Variants in EPHA6 observed in about 807,000 individuals in gnomAD.
EPHA6 encodes ephrin type-A receptor 6.
EPHA6 carries 50 observed loss-of-function variants against 112.0 expected under a neutral mutation model. The ratio of observed to expected loss-of-function variants is 0.45; its 90% confidence interval spans 0.36 to 0.56. EPHA6 has a LOEUF of 0.56. EPHA6 is among the 20% of genes least tolerant of loss of function. The pLI, the probability that EPHA6 is intolerant of heterozygous loss-of-function variation, is 0.00. For missense variants in EPHA6, 1,280 were observed against 1,417.4 expected (o/e 0.90, Z 1.56); for synonymous variants, 529 against 490.7 (o/e 1.08, Z -1.03).
intron 5 of EPHA6, among the ~76,000 whole-genome samples, chr3:97,360,668 G>C (rs1224926118): frequency 6.6e-6 from 1 of 152,002 alleles, no homozygotes; most frequent in African/African-American, 2.4e-5. Context: ...ATTTTCTTCT[G>C]CATTATTTAA....
intron 11 of EPHA6, chr3:97,569,851 T>A (rs2093313638): frequency 6.6e-6 from 1 of 152,216 alleles, no homozygotes; most frequent in African/African-American, 2.4e-5. Context: ...AAGTGCTTTT[T>A]TTCCTGGTTC....
At chr3:97,085,949 A>ATATATATATAT in intron 3 of EPHA6, among the ~76,000 whole-genome samples, 1 of 143,308 alleles carries the variant, frequency 7.0e-6, no homozygotes, top group Admixed American at 7.0e-5. Context: ...ATATATATAT[A>ATATATATATAT]CACACTGAGA....
chr3:97,707,012 A>G (rs1337876810), intron 14 of EPHA6, among the ~76,000 whole-genome samples: 2 of 152,226 alleles, frequency 1.3e-5, no homozygotes, highest in African/African-American at 4.8e-5. Flanking sequence ...GAATGCCACC[A>G]GTGACCTTCA....
chr3:97,655,394 G>T (rs796618451), intron 14 of EPHA6, among the ~76,000 whole-genome samples: 5 of 151,798 alleles, frequency 3.3e-5, no homozygotes, highest in African/African-American at 1.2e-4. Flanking sequence ...TGAGACTCTT[G>T]CAGAAGACAA....
At position 96,814,750 on chromosome 3, in the gene EPHA6, A is replaced by AT. The variant is rs2032614522; in HGVS notation, c.127_128insT (p.Arg43MetfsTer50). ...GTGCCCTGTTCCCGGGACCTCGCGCAGGGGGCGCCCCGGGACACCCCCTGC... is the reference window on the plus strand; with the variant it reads ...GTGCCCTGTTCCCGGGACCTCGCGCATGGGGGCGCCCCGGGACACCCCCTGC... On this transcript the variant is annotated frameshift_variant, in exon 1 of 18. Transcript: ENST00000389672. LOFTEE classifies it high-confidence loss of function. 4 of 1,593,918 alleles carry AT rather than the reference A, an allele frequency of 2.5e-6. No homozygotes were observed. The South Asian group carries it at 4.5e-5, about 18-fold the overall frequency.
At chr3:97,044,907 CTTTG>C (rs1198489900) in intron 3 of EPHA6, among the ~76,000 whole-genome samples, 1 of 151,872 alleles carries the variant, frequency 6.6e-6, no homozygotes, top group Non-Finnish European at 1.5e-5. Flanking sequence ...ATACAAAGAA[CTTTG>C]TTTAACTCAA....
chr3:97,364,097 A>G (rs2084570103), intron 5 of EPHA6, among the ~76,000 whole-genome samples: 1 of 152,114 alleles, frequency 6.6e-6, no homozygotes, highest in South Asian at 2.1e-4. Context: ...ATGGCTACAT[A>G]GTAGTATAAA....
At chr3:97,251,475 A>G (rs1430730139) in intron 5 of EPHA6, among the ~76,000 whole-genome samples, 1 of 152,030 alleles carries the variant, frequency 6.6e-6, no homozygotes, top group Non-Finnish European at 1.5e-5. Flanking sequence ...GCTTGCAGTG[A>G]GCTGAGATCG....
chr3:97,757,041 G>A lies in EPHA6; in HGVS notation c.*8340G>A, dbSNP rs1576409760. Among the ~76,000 whole-genome samples, 1 of 151,804 alleles carries A rather than the reference G, an allele frequency of 6.6e-6. No homozygotes were observed. Among genetic ancestry groups the A allele is most frequent in the African/African-American group, 2.4e-5 (1 of 41,472 alleles). The stretch of plus-strand genomic sequence containing the variant: ...TTAAAATGTTAATTATGGTATACGT[G>A]CTATAGTAACCTCATTTTTTAAAAA... On this transcript the variant is annotated 3_prime_UTR_variant, in exon 18 of 18. Coordinates refer to ENST00000389672, the MANE Select transcript of EPHA6 (RefSeq NM_001080448.3).
chr3:97,576,474 G>A (rs2093386466), intron 11 of EPHA6, among the ~76,000 whole-genome samples: 1 of 152,140 alleles, frequency 6.6e-6, no homozygotes, highest in Non-Finnish European at 1.5e-5. Flanking sequence ...TGTCAGGAAG[G>A]TCTAAGTGCA....
intron 3 of EPHA6, among the ~76,000 whole-genome samples, chr3:97,213,905 G>C (rs920859038): frequency 6.6e-6 from 1 of 151,940 alleles, no homozygotes; most frequent in East Asian, 1.9e-4. Context: ...TCAACGGGAA[G>C]TTCATTAAAG....
chr3:96,925,808 G>T (rs551397968), intron 2 of EPHA6, among the ~76,000 whole-genome samples: 2 of 152,118 alleles, frequency 1.3e-5, no homozygotes, highest in Admixed American at 1.3e-4. Flanking sequence ...GTTTCACCAT[G>T]TTGTCCAGGT....
chr3:97,436,515 T>C (rs2089845743), intron 6 of EPHA6, among the ~76,000 whole-genome samples: 1 of 152,204 alleles, frequency 6.6e-6, no homozygotes, highest in South Asian at 2.1e-4. Flanking sequence ...GGAATTCTCA[T>C]GCTTATATAT....
At chr3:96,890,457 G>A (rs1311610191) in intron 2 of EPHA6, among the ~76,000 whole-genome samples, 1 of 152,046 alleles carries the variant, frequency 6.6e-6, no homozygotes, top group East Asian at 1.9e-4. Context: ...AGATTAGAAG[G>A]ATTGATAGAT....
chr3:97,481,652 C>T (rs2091554050), intron 9 of EPHA6: 1 of 425,526 alleles, frequency 2.4e-6, no homozygotes, highest in Non-Finnish European at 4.4e-6. Context: ...GACGCCCCGC[C>T]CCCTGCCTTC....
intron 5 of EPHA6, 48 bp downstream of exon 5, chr3:97,244,335 A>T: frequency 6.7e-7 from 1 of 1,494,536 alleles, no homozygotes; most frequent in Non-Finnish European, 9.3e-7. Context: ...ATTTCTTTTG[A>T]TGCATAAATA....
intron 14 of EPHA6, among the ~76,000 whole-genome samples, chr3:97,668,392 T>C (rs938688218): frequency 6.6e-6 from 1 of 152,208 alleles, no homozygotes; most frequent in Non-Finnish European, 1.5e-5. Context: ...TGTAGACTTA[T>C]TGTCCAAGAT....
At chr3:97,620,548 A>G (rs766749697) in intron 13 of EPHA6, among the ~76,000 whole-genome samples, 1 of 152,108 alleles carries the variant, frequency 6.6e-6, no homozygotes, top group Admixed American at 6.6e-5. Flanking sequence ...CAGCATATAT[A>G]AGGAACTTAA....
At position 97,748,556 on chromosome 3, in the gene EPHA6, G is replaced by C. The variant is rs375429889; in HGVS notation, c.3279-31G>C. 5 of 1,080,194 alleles carry C rather than the reference G, an allele frequency of 4.6e-6. No individual in the cohort carries two copies. The Admixed American group carries it at 9.0e-5, about 19-fold the overall frequency. The allele number at this position is 1,080,194 out of a possible 1,614,324, so 66.9% of individuals were successfully genotyped here. ...CTCTCTCTTTCTTGCTCTCACTCTC[G>C]CTCTCACTCTTGCTCTCTCCTTTCT... On this transcript the variant is annotated intron_variant, in intron 17 of 17. Coordinates refer to ENST00000389672, the MANE Select transcript of EPHA6 (RefSeq NM_001080448.3).
Sources: gnomAD v4.1 joint callset for allele counts (sites outside exome capture counted in the v4.1 genomes callset) on GRCh38, gnomAD v4.1.1 for gene constraint, MANE v1.5 for transcripts, NCBI Gene and HGNC (gene_info 2026-07-23, HGNC 2026-07-21) for gene names.